The following HMCES variants were observed in gnomAD, a reference collection of about 807,000 sequenced individuals.
HMCES encodes the protein 5-hydroxymethylcytosine binding, ES cell specific, also known as abasic site processing protein HMCES.
A neutral mutation model predicts 35.1 loss-of-function variants in HMCES; 27 were observed. The ratio of observed to expected loss-of-function variants is 0.77; its 90% CI spans 0.57 to 1.06. The LOEUF is 1.06. Among genes scored for constraint, HMCES ranks in the 50% least tolerant of loss-of-function variants. The pLI is 0.00. For synonymous variants in HMCES, 130 were observed against 154.7 expected (o/e 0.84, Z 1.18); for missense variants, 391 against 430.4 (o/e 0.91, Z 0.81).
chr3:129,284,606 T>C (rs528879787), intron 2 of HMCES, among the ~76,000 whole-genome samples: 15 of 152,088 alleles, frequency 9.9e-5, no homozygotes, highest in Non-Finnish European at 1.9e-4. Flanking sequence ...TGTGTGTATA[T>C]ATATGAAAAG....
intron 4 of HMCES, among the ~76,000 whole-genome samples, chr3:129,293,074 C>G (rs959658058): frequency 2.8e-4 from 42 of 152,174 alleles, no homozygotes; most frequent in African/African-American, 1.0e-3. Context: ...TGCATATACT[C>G]TAGTCAGTTA....
At chr3:129,293,049 T>C (rs1236489845) in intron 4 of HMCES, among the ~76,000 whole-genome samples, 1 of 152,224 alleles carries the variant, frequency 6.6e-6, no homozygotes, top group Non-Finnish European at 1.5e-5. Context: ...GGCTGTGATA[T>C]AAGCAAGCTT....
At chr3:129,283,056 G>A (rs1156698454) in intron 2 of HMCES, among the ~76,000 whole-genome samples, 1 of 152,138 alleles carries the variant, frequency 6.6e-6, no homozygotes, top group African/African-American at 2.4e-5. Flanking sequence ...TCTGGGCGTT[G>A]TAGAGCGTTT....
rs1008327342 is a variant in HMCES, at chr3:129,302,056, A to C, written c.742A>C (p.Thr248Pro). 5 of 1,613,924 alleles carry C rather than the reference A, an allele frequency of 3.1e-6. No individual in the cohort carries two copies. Among genetic ancestry groups the C allele is most frequent in the Non-Finnish European group, 4.2e-6 (5 of 1,179,994 alleles). The change falls in exon 6 of 7, where the codon ACC (threonine) becomes CCC (proline). Residue 248 changes from threonine to proline, a missense_variant. Physicochemically the swap from Thr to Pro is conservative, Grantham distance 38 (BLOSUM62 -1). Coordinates refer to ENST00000383463, the MANE Select transcript of HMCES (RefSeq NM_020187.3). ...LKLIHPTENI[T>P]FHAVSSVVNN... ...ATTAATCCACCCAACAGAGAACATC[A>C]CCTTCCATGCAGTCTCTTCTGTGGT...
chr3:129,292,637 C>T (rs1214732630), intron 4 of HMCES, among the ~76,000 whole-genome samples: 2 of 151,660 alleles, frequency 1.3e-5, no homozygotes, highest in East Asian at 2.0e-4. Context: ...GGACTACAGG[C>T]GTGTGCCACC....
chr3:129,289,054 G>T, intron 3 of HMCES, 57 bp downstream of exon 3: 1 of 1,381,380 alleles, frequency 7.2e-7, no homozygotes, highest in South Asian at 1.7e-5. Flanking sequence ...GTTCCAAAGG[G>T]TGTTTCCATC....
chr3:129,290,574 C>T (rs1238058124), intron 3 of HMCES, 105 bp from the exon 4 acceptor site: 24 of 1,282,972 alleles, frequency 1.9e-5, no homozygotes, highest in Non-Finnish European at 2.2e-5. Flanking sequence ...GTGAGCCACC[C>T]GCCTGGCCCA....
chr3:129,281,829 CTCTG>C (rs1480240346), intron 2 of HMCES, among the ~76,000 whole-genome samples: 1 of 148,330 alleles, frequency 6.7e-6, no homozygotes, highest in Non-Finnish European at 1.5e-5. Context: ...CATGATGAAA[CTCTG>C]TCTGTACTAT....
chr3:129,300,759 G>A (rs889726973), intron 5 of HMCES, among the ~76,000 whole-genome samples: 3 of 150,586 alleles, frequency 2.0e-5, no homozygotes, highest in East Asian at 1.9e-4. Flanking sequence ...GGCCAGGCGC[G>A]GTGGCTCACA....
At chr3:129,284,569 T>C (rs537572572) in intron 2 of HMCES, among the ~76,000 whole-genome samples, 5 of 152,292 alleles carry the variant, frequency 3.3e-5, no homozygotes, top group Non-Finnish European at 7.3e-5. Context: ...GAAATCTAAC[T>C]ACTGCAAATA....
chr3:129,304,504 C>T, intron 6 of HMCES, 85 bp from the exon 7 acceptor site: 2 of 1,129,584 alleles, frequency 1.8e-6, no homozygotes, highest in African/African-American at 1.5e-5. Context: ...GTACCTAATG[C>T]CTCTTCCCCT....
At chr3:129,286,705 T>C (rs1387060732) in intron 2 of HMCES, among the ~76,000 whole-genome samples, 1 of 152,252 alleles carries the variant, frequency 6.6e-6, no homozygotes. Context: ...AATCCATTTG[T>C]ACTACAATTT....
At chr3:129,285,552 C>T (rs1261571306) in intron 2 of HMCES, among the ~76,000 whole-genome samples, 7 of 151,648 alleles carry the variant, frequency 4.6e-5, no homozygotes, top group Admixed American at 1.3e-4. Context: ...CCCGGGTTCA[C>T]GCCATTCTCC....
chr3:129,280,204 C>T (rs1940432146), intron 2 of HMCES, among the ~76,000 whole-genome samples: 1 of 152,138 alleles, frequency 6.6e-6, no homozygotes, highest in Non-Finnish European at 1.5e-5. Flanking sequence ...TTTAAAATAG[C>T]AGCTTTCACT....
At chr3:129,295,766 C>T (rs893094613) in intron 4 of HMCES, among the ~76,000 whole-genome samples, 3 of 152,188 alleles carry the variant, frequency 2.0e-5, no homozygotes, top group African/African-American at 4.8e-5. Flanking sequence ...TCCCCTCCAC[C>T]TCCCTCCACC....
Position 129,289,095 on chromosome 3 carries a change from A to G in HMCES, c.327+98A>G, listed in dbSNP as rs921126226. The G allele has an allele frequency of 1.7e-5, 17 of 980,340 alleles. No individual in the cohort carries two copies. In the African/African-American group the frequency reaches 2.6e-4, roughly 15 times the overall value. The allele number at this position is 980,340 out of a possible 1,614,324, so 60.7% of individuals were successfully genotyped here. A position where few individuals can be genotyped will look rare whatever the true frequency, so the allele number is the denominator to read the frequency against. ...CTACAGAGGACAACCAAAAATAAATAAATAACACAAAAAAGAATGTTCCCA... is the reference window on the plus strand; with the variant it reads ...CTACAGAGGACAACCAAAAATAAATGAATAACACAAAAAAGAATGTTCCCA... On this transcript the variant is annotated intron_variant, in intron 3 of 6. Coordinates refer to ENST00000383463, the MANE Select transcript of HMCES (RefSeq NM_020187.3).
rs1463848369 is a variant in HMCES, at chr3:129,289,110, G to C, written c.327+113G>C. 1.3e-5 allele frequency: 12 copies of C among 891,496 alleles called. No homozygotes were observed. In the Admixed American group the frequency reaches 3.1e-4, roughly 23 times the overall value. The allele number at this position is 891,496 out of a possible 1,614,324, so 55.2% of individuals were successfully genotyped here. A position where few individuals can be genotyped will look rare whatever the true frequency, so the allele number is the denominator to read the frequency against. ...AAAAATAAATAAATAACACAAAAAAGAATGTTCCCAGTTGTTAATGTGGAA... is the reference window on the plus strand; with the variant it reads ...AAAAATAAATAAATAACACAAAAAACAATGTTCCCAGTTGTTAATGTGGAA... On this transcript the variant is annotated intron_variant, in intron 3 of 6. Transcript: ENST00000383463.
At chr3:129,281,297 A>G (rs1940473614) in intron 2 of HMCES, among the ~76,000 whole-genome samples, 3 of 152,190 alleles carry the variant, frequency 2.0e-5, no homozygotes, top group Admixed American at 1.3e-4. Flanking sequence ...CACTTTATAA[A>G]GTTGATTATA....
intron 5 of HMCES, among the ~76,000 whole-genome samples, chr3:129,301,355 T>C (rs986954268): frequency 1.3e-5 from 2 of 152,204 alleles, no homozygotes; most frequent in Admixed American, 6.5e-5. Context: ...TTATTTTATA[T>C]GTTATGTATA....
Sources: gnomAD v4.1 joint callset for allele counts (sites outside exome capture counted in the v4.1 genomes callset) on GRCh38, gnomAD v4.1.1 for gene constraint, MANE v1.5 for transcripts, NCBI Gene and HGNC (gene_info 2026-07-23, HGNC 2026-07-21) for gene names.